TTC17: variants seen among roughly 807,000 people sequenced by gnomAD.
TTC17 encodes the protein tetratricopeptide repeat protein 17.
Under a neutral mutation model 143.8 loss-of-function variants are expected in TTC17, and 58 were observed. That is an observed-to-expected ratio of 0.40 (90% CI 0.33 to 0.50). The LOEUF (loss-of-function observed/expected upper bound fraction) is 0.50. TTC17 is among the 20% of genes least tolerant of loss of function. TTC17 has a pLI of 0.49. For missense variants in TTC17, 1,273 were observed against 1,392.5 expected (o/e 0.91, Z 1.37); for synonymous variants, 501 against 497.8 (o/e 1.01, Z -0.09).
At chr11:43,379,438 G>A in intron 2 of TTC17, 116 bp downstream of exon 2, 1 of 829,628 alleles carries the variant, frequency 1.2e-6, no homozygotes, top group Non-Finnish European at 1.9e-6. Context: ...TCTGACTTTT[G>A]CGGGAATATA....
chr11:43,405,947 G>A lies in TTC17; in HGVS notation c.1757G>A (p.Arg586Gln), dbSNP rs772997838. The change falls in exon 13 of 24, where the codon CGA becomes CAA. Residue 586 changes from arginine (R) to glutamine (Q), a missense_variant. Arg to Gln is a conservative substitution (Grantham distance 43). Coordinates refer to ENST00000039989, the MANE Select transcript of TTC17 (RefSeq NM_018259.6). ...GCCAAAATGCCAGATGACCATGCACGAAAAGTAAGGCTCACTTAGGCTGGT... is the reference window on the plus strand; with the variant it reads ...GCCAAAATGCCAGATGACCATGCACAAAAAGTAAGGCTCACTTAGGCTGGT... ...LKAKMPDDHARKILLSRINNY... is the reference protein window; with the variant it reads ...LKAKMPDDHAQKILLSRINNY... The A allele has an allele frequency of 5.6e-6, 9 of 1,612,562 alleles. No individual in the cohort carries two copies. Among genetic ancestry groups the A allele is most frequent in the South Asian group, 2.2e-5 (2 of 90,806 alleles).
Position 43,389,644 on chromosome 11 carries a change from C to T in TTC17, c.250-8C>T, listed in dbSNP as rs772601711. ...GAATCCATTCTGTTCTTACTTTCTT[C>T]TCAACAGAAACAATTAGTTGCTCAA... On this transcript the variant is annotated splice_polypyrimidine_tract_variant and splice_region_variant and intron_variant, in intron 2 of 23. Coordinates refer to ENST00000039989, the MANE Select transcript of TTC17 (RefSeq NM_018259.6). 1.9e-6 allele frequency: 3 copies of T among 1,599,990 alleles called. No homozygotes were observed. The highest frequency in any genetic ancestry group is 2.6e-6 in the Non-Finnish European group (3 of 1,175,000).
At chr11:43,450,512 T>C (rs1212853339) in intron 20 of TTC17, among the ~76,000 whole-genome samples, 1 of 152,188 alleles carries the variant, frequency 6.6e-6, no homozygotes, top group African/African-American at 2.4e-5. Flanking sequence ...ATACCAACTC[T>C]TGAGAAAAAT....
At chr11:43,485,876 GTTTT>G (rs1169513546) in intron 21 of TTC17, among the ~76,000 whole-genome samples, 1 of 136,282 alleles carries the variant, frequency 7.3e-6, no homozygotes, top group African/African-American at 2.8e-5. Context: ...CAATCTCTTG[GTTTT>G]TTGTTTTTTT....
chr11:43,484,284 C>G (rs999693715), intron 21 of TTC17, among the ~76,000 whole-genome samples: 1 of 152,080 alleles, frequency 6.6e-6, no homozygotes, highest in African/African-American at 2.4e-5. Flanking sequence ...AAGTGGCTTC[C>G]CGTAAACTCA....
chr11:43,367,717 T>C (rs1177073631), intron 1 of TTC17, among the ~76,000 whole-genome samples: 2 of 14,668 alleles, frequency 1.4e-4, no homozygotes, highest in Non-Finnish European at 3.3e-4. Flanking sequence ...GGAATGTCTG[T>C]GTGTGTGTGT....
chr11:43,403,782 A>ATGG (rs1857982148), intron 10 of TTC17, among the ~76,000 whole-genome samples: 1 of 152,172 alleles, frequency 6.6e-6, no homozygotes, highest in African/African-American at 2.4e-5. Flanking sequence ...CTCATACTCC[A>ATGG]ATGGCAAAGT....
chr11:43,454,827 T>A (rs1444565933), intron 21 of TTC17, among the ~76,000 whole-genome samples: 1 of 151,900 alleles, frequency 6.6e-6, no homozygotes, highest in East Asian at 1.9e-4. Context: ...AAGCAGAGAC[T>A]CAGGGAGATT....
In TTC17 at chr11:43,490,310, A is replaced by G; in HGVS notation, c.3102A>G (p.Ala1034=). 6.2e-7 allele frequency: 1 copy of G among 1,612,924 alleles called. No individual in the cohort carries two copies. The highest frequency in any genetic ancestry group is 8.5e-7 in the Non-Finnish European group (1 of 1,179,320). ...GGGTGAAAGGCCAAGGAAAGAAGGCAATCGACTGCCTCCGCCAGGCTCTGC... is the reference window on the plus strand; with the variant it reads ...GGGTGAAAGGCCAAGGAAAGAAGGCGATCGACTGCCTCCGCCAGGCTCTGC... ...YWRVKGQGKK[A]IDCLRQALHY... is the part of the protein sequence containing the mutation. Residue 1034 remains alanine, a synonymous_variant, in exon 22 of 24, where the codon GCA becomes GCG. Coordinates refer to ENST00000039989, the MANE Select transcript of TTC17 (RefSeq NM_018259.6).
intron 1 of TTC17, among the ~76,000 whole-genome samples, chr11:43,363,890 C>G (rs537399330): frequency 6.6e-6 from 1 of 152,006 alleles, no homozygotes; most frequent in Admixed American, 6.6e-5. Context: ...AAGGTATCTT[C>G]TTTTCCAGTT....
At chr11:43,412,941 A>G (rs796080344) in intron 15 of TTC17, among the ~76,000 whole-genome samples, 41 of 151,524 alleles carry the variant, frequency 2.7e-4, no homozygotes, top group African/African-American at 9.9e-4. Flanking sequence ...GTGTATTGAT[A>G]AGTTGATTCT....
chr11:43,373,591 G>A (rs1856653783), intron 1 of TTC17, among the ~76,000 whole-genome samples: 1 of 152,110 alleles, frequency 6.6e-6, no homozygotes, highest in Admixed American at 6.6e-5. Flanking sequence ...CCAAAGTGCT[G>A]GGATTACAGG....
intron 11 of TTC17, among the ~76,000 whole-genome samples, chr11:43,404,667 CTG>C (rs1297339163): frequency 6.6e-6 from 1 of 152,164 alleles, no homozygotes; most frequent in Non-Finnish European, 1.5e-5. Flanking sequence ...AGGACAGAGA[CTG>C]TGTGCTTTTT....
intron 20 of TTC17, 83 bp downstream of exon 20, chr11:43,450,324 C>G (rs543094987): frequency 2.8e-6 from 4 of 1,412,644 alleles, no homozygotes; most frequent in Non-Finnish European, 3.7e-6. Context: ...CCCAGGTGAC[C>G]GGGCCTTTTA....
At chr11:43,389,570 G>T in intron 2 of TTC17, 82 bp from the exon 3 acceptor site, 2 of 1,388,216 alleles carry the variant, frequency 1.4e-6, no homozygotes, top group South Asian at 1.6e-5. Context: ...GACTTCTTCA[G>T]CTCAGATTCC....
chr11:43,378,997 T>A, intron 1 of TTC17: 1 of 468,782 alleles, frequency 2.1e-6, no homozygotes, highest in Non-Finnish European at 3.8e-6. Flanking sequence ...AAAGTCAGAA[T>A]ATGTACTTTG....
chr11:43,459,638 C>T (rs1466788665), intron 21 of TTC17, among the ~76,000 whole-genome samples: 5 of 152,182 alleles, frequency 3.3e-5, no homozygotes, highest in Admixed American at 6.5e-5. Context: ...TACCTGAGAG[C>T]GTCAGCTAGA....
intron 1 of TTC17, 118 bp from the exon 2 acceptor site, chr11:43,379,115 A>C (rs1437674699): frequency 1.1e-5 from 10 of 928,126 alleles, no homozygotes; most frequent in Non-Finnish European, 1.7e-5. Context: ...AGTTTTGCTG[A>C]GGAATAACGC....
At chr11:43,432,048 G>T (rs1176895473) in intron 16 of TTC17, among the ~76,000 whole-genome samples, 1 of 152,120 alleles carries the variant, frequency 6.6e-6, no homozygotes, top group Non-Finnish European at 1.5e-5. Flanking sequence ...GATTTAGAAG[G>T]TAAGAATTCT....
Sources: gnomAD v4.1 joint callset for allele counts (sites outside exome capture counted in the v4.1 genomes callset) on GRCh38, gnomAD v4.1.1 for gene constraint, MANE v1.5 for transcripts, NCBI Gene and HGNC (gene_info 2026-07-23, HGNC 2026-07-21) for gene names.